Variants in CSMD1 observed in about 807,000 individuals in gnomAD.
CSMD1 encodes CUB and sushi domain-containing protein 1.
A neutral mutation model predicts 417.5 loss-of-function variants in CSMD1; 213 were observed. The observed-to-expected ratio is 0.51, with a 90% CI of 0.46 to 0.57. The LOEUF is 0.57. Among genes scored for constraint, CSMD1 ranks in the 20% least tolerant of loss-of-function variants. CSMD1 has a pLI of 0.00. For synonymous variants in CSMD1, 2,862 were observed against 1,736.8 expected, an observed-to-expected ratio of 1.65 and a Z score of -16.11; for missense variants, 6,923 against 4,529.7, an observed-to-expected ratio of 1.53 and a Z score of -15.17.
At chr8:4,592,424 T>C (rs111676454) in intron 2 of CSMD1, among the ~76,000 whole-genome samples, 15,175 of 152,016 alleles carry the variant, frequency 0.1, 1,795 homozygotes, top group African/African-American at 0.29. Flanking sequence ...TCTTACTCCA[T>C]CTCCCAGGCT....
At chr8:4,316,796 T>C (rs1003823493) in intron 3 of CSMD1, among the ~76,000 whole-genome samples, 1 of 152,146 alleles carries the variant, frequency 6.6e-6, no homozygotes, top group Non-Finnish European at 1.5e-5. Context: ...AAATCTATAT[T>C]GTGCTTCCCT....
intron 49 of CSMD1, among the ~76,000 whole-genome samples, chr8:3,065,383 AAGAT>A (rs1406871092): frequency 6.6e-6 from 1 of 152,120 alleles, no homozygotes; most frequent in African/African-American, 2.4e-5. Context: ...GGTCAAAAGA[AAGAT>A]AGAAAGGTAG....
At chr8:3,837,018 C>T (rs868044205) in intron 5 of CSMD1, among the ~76,000 whole-genome samples, 81 of 151,588 alleles carry the variant, frequency 5.3e-4, no homozygotes, top group African/African-American at 1.8e-3. Flanking sequence ...GAAGTTACTC[C>T]CTTCTTGGTG....
chr8:4,324,764 A>C (rs1799461401), intron 3 of CSMD1, among the ~76,000 whole-genome samples: 1 of 152,210 alleles, frequency 6.6e-6, no homozygotes, highest in African/African-American at 2.4e-5. Context: ...TTTCAGCCCC[A>C]TAAACAAACA....
chr8:3,405,141 TG>T (rs1277553814), intron 15 of CSMD1, among the ~76,000 whole-genome samples: 2 of 152,198 alleles, frequency 1.3e-5, no homozygotes, highest in African/African-American at 2.4e-5. Flanking sequence ...CTCATTCACC[TG>T]TTTAAATCTA....
chr8:4,169,997 G>C (rs1037983745), intron 3 of CSMD1, among the ~76,000 whole-genome samples: 2 of 151,808 alleles, frequency 1.3e-5, no homozygotes, highest in Non-Finnish European at 2.9e-5. Context: ...AAGAGTGTTA[G>C]AGCCTAAGAG....
intron 42 of CSMD1, among the ~76,000 whole-genome samples, chr8:3,117,964 C>T (rs1816967272): frequency 6.6e-6 from 1 of 152,136 alleles, no homozygotes; most frequent in Non-Finnish European, 1.5e-5. Context: ...AATGCAAAAT[C>T]AATATGAAAT....
At chr8:3,501,872 T>C (rs572606831) in intron 10 of CSMD1, among the ~76,000 whole-genome samples, 4 of 152,324 alleles carry the variant, frequency 2.6e-5, no homozygotes, top group East Asian at 1.9e-4. Flanking sequence ...ATGTAATTAA[T>C]GATAAGGAGA....
intron 2 of CSMD1, among the ~76,000 whole-genome samples, chr8:4,528,904 G>A (rs1345753279): frequency 6.6e-6 from 1 of 152,092 alleles, no homozygotes; most frequent in African/African-American, 2.4e-5. Context: ...GTTTGAGACG[G>A]GATTAGCTTG....
At chr8:4,677,973 C>T (rs1329262287) in intron 1 of CSMD1, among the ~76,000 whole-genome samples, 1 of 152,118 alleles carries the variant, frequency 6.6e-6, no homozygotes, top group Non-Finnish European at 1.5e-5. Context: ...ATAAAGCCTG[C>T]CTTCCATGGT....
At chr8:4,824,300 A>G (rs1428198931) in intron 1 of CSMD1, among the ~76,000 whole-genome samples, 2 of 152,114 alleles carry the variant, frequency 1.3e-5, no homozygotes, top group Admixed American at 6.6e-5. Context: ...GTACGTATCA[A>G]TTGAAATAAT....
At chr8:4,590,153 C>T (rs1378733349) in intron 2 of CSMD1, among the ~76,000 whole-genome samples, 1 of 151,770 alleles carries the variant, frequency 6.6e-6, no homozygotes, top group African/African-American at 2.4e-5. Context: ...GTGAATTTTG[C>T]TCAGAATTCT....
chr8:4,229,318 T>G (rs1043921876), intron 3 of CSMD1, among the ~76,000 whole-genome samples: 2 of 152,164 alleles, frequency 1.3e-5, no homozygotes, highest in African/African-American at 2.4e-5. Context: ...ATCTATCACC[T>G]GAATGAGTCC....
chr8:3,772,163 G>A (rs1198460373), intron 5 of CSMD1, among the ~76,000 whole-genome samples: 1 of 81,768 alleles, frequency 1.2e-5, no homozygotes, highest in Admixed American at 1.6e-4. Flanking sequence ...CTCAGAAAGG[G>A]CAACATATAT....
intron 3 of CSMD1, among the ~76,000 whole-genome samples, chr8:4,162,106 A>G (rs754946104): frequency 1.3e-5 from 2 of 152,212 alleles, no homozygotes; most frequent in Non-Finnish European, 2.9e-5. Flanking sequence ...CACTGAAGCA[A>G]TATATGGTTA....
chr8:3,015,903 C>T (rs534162519), intron 52 of CSMD1, among the ~76,000 whole-genome samples: 1 of 152,278 alleles, frequency 6.6e-6, no homozygotes, highest in South Asian at 2.1e-4. Flanking sequence ...AGAACTAAGG[C>T]ACAAAGACCC....
Position 4,759,576 on chromosome 8 carries a change from C to T in CSMD1, c.86-122018G>A, listed in dbSNP as rs558354044. Reference sequence around the variant, plus strand: ...GCTCTCCCTTTCCCCGAACCATCCCCCTGTCAGGTCCCCATGTGTGTTGTT... The same window carrying T: ...GCTCTCCCTTTCCCCGAACCATCCCTCTGTCAGGTCCCCATGTGTGTTGTT... On this transcript the variant is annotated intron_variant, in intron 1 of 69. Coordinates refer to ENST00000635120, the MANE Select transcript of CSMD1 (RefSeq NM_033225.6). Among the ~76,000 whole-genome samples, 20 of 143,264 alleles carry T rather than the reference C, an allele frequency of 1.4e-4. No individual in the cohort carries two copies. In the South Asian group the frequency reaches 4.1e-3, roughly 29 times the overall value. The allele number at this position is 143,264 out of a possible 152,430, so 94.0% of individuals were successfully genotyped here. A position where few individuals can be genotyped will look rare whatever the true frequency, so the allele number is the denominator to read the frequency against.
At chr8:4,335,785 C>G (rs941731273) in intron 3 of CSMD1, among the ~76,000 whole-genome samples, 2 of 151,976 alleles carry the variant, frequency 1.3e-5, no homozygotes, top group African/African-American at 4.8e-5. Flanking sequence ...AGGAACATAC[C>G]ACGTTACCTG....
chr8:3,564,704 T>A (rs1205873144), intron 10 of CSMD1, among the ~76,000 whole-genome samples: 1 of 151,834 alleles, frequency 6.6e-6, no homozygotes, highest in Non-Finnish European at 1.5e-5. Context: ...AAGTGGAGAA[T>A]GTACGTGCCC....
Sources: gnomAD v4.1 joint callset for allele counts (sites outside exome capture counted in the v4.1 genomes callset) on GRCh38, gnomAD v4.1.1 for gene constraint, MANE v1.5 for transcripts, NCBI Gene and HGNC (gene_info 2026-07-23, HGNC 2026-07-21) for gene names.